COLEC10: variants seen among roughly 807,000 people sequenced by gnomAD.
The protein encoded by COLEC10 is collectin-10.
A neutral mutation model predicts 28.4 loss-of-function variants in COLEC10; 22 were observed. The observed-to-expected ratio is 0.78, with a 90% CI of 0.55 to 1.11. The LOEUF is 1.11. COLEC10 is among the 50% of genes least tolerant of loss of function. The probability of loss-of-function intolerance (pLI) is 0.00; values close to 1 mark genes in which losing one functional copy is unlikely to be tolerated. For missense variants in COLEC10, 361 were observed against 344.1 expected (o/e 1.05, Z -0.39); for synonymous variants, 125 against 116.1 (o/e 1.08, Z -0.49).
chr8:119,017,751 C>T (rs1814020221), intron 2 of COLEC10, among the ~76,000 whole-genome samples: 1 of 152,158 alleles, frequency 6.6e-6, no homozygotes, highest in African/African-American at 2.4e-5. Context: ...CTTGAAGTCA[C>T]AAACCTCATG....
chr8:118,959,230 C>T, the COLEC10 span, among the ~76,000 whole-genome samples: 2 of 152,026 alleles, frequency 1.3e-5, no homozygotes, highest in Non-Finnish European at 2.9e-5. Flanking sequence ...AAAAAAAATA[C>T]CAGTGTCAGA....
At chr8:118,972,081 C>A in the COLEC10 span, among the ~76,000 whole-genome samples, 3 of 151,906 alleles carry the variant, frequency 2.0e-5, no homozygotes, top group African/African-American at 7.3e-5. Context: ...TGGCTTCTTC[C>A]TAAACTTTTT....
chr8:118,953,682 T>C, the COLEC10 span, among the ~76,000 whole-genome samples: 1 of 152,310 alleles, frequency 6.6e-6, no homozygotes, highest in East Asian at 1.9e-4. Flanking sequence ...TCACTAATTA[T>C]GAGCATTAAA....
intron 1 of COLEC10, among the ~76,000 whole-genome samples, chr8:119,083,262 T>A (rs1194656532): frequency 6.6e-6 from 1 of 152,180 alleles, no homozygotes; most frequent in Non-Finnish European, 1.5e-5. Flanking sequence ...CTCTTAATGG[T>A]GTCAAAATAG....
chr8:119,038,277 G>T (rs992206969), intron 2 of COLEC10, among the ~76,000 whole-genome samples: 2 of 152,142 alleles, frequency 1.3e-5, no homozygotes, highest in South Asian at 2.1e-4. Flanking sequence ...AATGTAATGG[G>T]ATTATATACA....
At chr8:119,090,255 C>T (rs1036392983) in intron 2 of COLEC10, among the ~76,000 whole-genome samples, 25 of 151,960 alleles carry the variant, frequency 1.6e-4, no homozygotes, top group African/African-American at 4.8e-4. Context: ...TGGTGGGGTA[C>T]GGGAGGAGTG....
At chr8:119,100,003 T>C (rs914357246) in intron 3 of COLEC10, among the ~76,000 whole-genome samples, 1 of 152,146 alleles carries the variant, frequency 6.6e-6, no homozygotes. Flanking sequence ...CTGTGTTGAA[T>C]TAAAAGGGAT....
chr8:119,019,066 C>A (rs1156988625), intron 2 of COLEC10, among the ~76,000 whole-genome samples: 3 of 151,862 alleles, frequency 2.0e-5, no homozygotes, highest in Non-Finnish European at 4.4e-5. Flanking sequence ...CCGCATCCAA[C>A]AACTCCCAGA....
chr8:119,083,944 C>T (rs1014762837), intron 1 of COLEC10, among the ~76,000 whole-genome samples: 2 of 152,100 alleles, frequency 1.3e-5, no homozygotes, highest in Non-Finnish European at 2.9e-5. Context: ...GCAACGTTGC[C>T]AGGGTCTGGG....
chr8:119,067,934 T>C (rs371484631), intron 1 of COLEC10: 1 of 152,396 alleles, frequency 6.6e-6, no homozygotes, highest in African/African-American at 2.4e-5. Context: ...TTGTCAAGCA[T>C]TGAAGGTAGT....
the COLEC10 span, among the ~76,000 whole-genome samples, chr8:118,968,947 A>G: frequency 2.0e-5 from 3 of 151,818 alleles, no homozygotes; most frequent in African/African-American, 7.3e-5. Flanking sequence ...GATGTCCACA[A>G]TCAATACCCA....
At chr8:118,973,962 C>T in the COLEC10 span, among the ~76,000 whole-genome samples, 1 of 151,868 alleles carries the variant, frequency 6.6e-6, no homozygotes, top group African/African-American at 2.4e-5. Flanking sequence ...CTTCTTATTC[C>T]TCAAACCCAC....
intron 2 of COLEC10, among the ~76,000 whole-genome samples, chr8:119,059,964 T>G (rs189586172): frequency 4.6e-5 from 7 of 152,114 alleles, no homozygotes; most frequent in Non-Finnish European, 1.0e-4. Flanking sequence ...TGTTCTGACT[T>G]CTTCACATAG....
intron 2 of COLEC10, among the ~76,000 whole-genome samples, chr8:119,030,202 T>C (rs60721653): frequency 1.3e-5 from 2 of 152,146 alleles, no homozygotes; most frequent in Admixed American, 6.5e-5. Flanking sequence ...AAGACTTTTA[T>C]AGGAATATCA....
chr8:118,989,312 G>C, the COLEC10 span, among the ~76,000 whole-genome samples: 1 of 151,974 alleles, frequency 6.6e-6, no homozygotes, highest in Non-Finnish European at 1.5e-5. Context: ...GAAATGCAAA[G>C]AGAATAAAGA....
chr8:119,072,213 G>C (rs1184885993), intron 1 of COLEC10, among the ~76,000 whole-genome samples: 1 of 152,190 alleles, frequency 6.6e-6, no homozygotes. Context: ...TTCCCTTTCA[G>C]CATGACTCTA....
chr8:118,967,981 G>A, the COLEC10 span, among the ~76,000 whole-genome samples: 2 of 151,966 alleles, frequency 1.3e-5, no homozygotes, highest in Non-Finnish European at 2.9e-5. Context: ...GATTAAGAAT[G>A]CATTTCGTGC....
the COLEC10 span, among the ~76,000 whole-genome samples, chr8:118,989,125 C>T: frequency 1.5e-4 from 23 of 151,892 alleles, no homozygotes; most frequent in African/African-American, 4.1e-4. Context: ...AGATAGCAGA[C>T]GAGAACAGAT....
At chr8:119,061,075 T>C (rs1814847557) in intron 2 of COLEC10, among the ~76,000 whole-genome samples, 1 of 152,044 alleles carries the variant, frequency 6.6e-6, no homozygotes, top group African/African-American at 2.4e-5. Context: ...AGGTGCTCAA[T>C]AAACATTCGT....
Sources: gnomAD v4.1 joint callset for allele counts (sites outside exome capture counted in the v4.1 genomes callset) on GRCh38, gnomAD v4.1.1 for gene constraint, MANE v1.5 for transcripts, NCBI Gene and HGNC (gene_info 2026-07-23, HGNC 2026-07-21) for gene names.